CSMD1: variants seen among roughly 807,000 people sequenced by gnomAD.
CSMD1 encodes CUB and sushi domain-containing protein 1.
Under a neutral mutation model 417.5 loss-of-function variants are expected in CSMD1, and 213 were observed. The ratio of observed to expected loss-of-function variants is 0.51; its 90% CI spans 0.46 to 0.57. CSMD1 has a LOEUF of 0.57. Ranked by LOEUF, CSMD1 falls within the 20% of genes least tolerant of loss-of-function variation. The probability of loss-of-function intolerance (pLI) is 0.00; values close to 1 mark genes in which losing one functional copy is unlikely to be tolerated. For missense variants in CSMD1, 6,923 were observed against 4,529.7 expected (o/e 1.53, Z -15.17); for synonymous variants, 2,862 against 1,736.8 (o/e 1.65, Z -16.11).
intron 1 of CSMD1, among the ~76,000 whole-genome samples, chr8:4,850,990 G>A (rs1228466105): frequency 6.6e-6 from 1 of 150,398 alleles, no homozygotes; most frequent in Admixed American, 6.7e-5. Context: ...GGGTACATGT[G>A]CACAAAGTGC....
rs71207091 is a variant in CSMD1 at position 4,455,929 on chromosome 8, CAAAAAAAAAAAAAAAAAAAAAA to C, written c.303-35886_303-35865del. On this transcript the variant is annotated intron_variant, in intron 2 of 69. Transcript: ENST00000635120. ...GGGTGACAAAGTGAGACTCCAACTC[CAAAAAAAAAAAAAAAAAAAAAA>C]AAAAAAAAAAAATGCAGTTAAGATA... Among the ~76,000 whole-genome samples the C allele has an allele frequency of 3.4e-4, 4 of 11,652 alleles. No individual in the cohort carries two copies. The East Asian group carries it at 0.022, about 64-fold the overall frequency. 7.6% of individuals were successfully genotyped at this position (11,652 alleles called of 152,430 possible).
chr8:3,811,739 G>C (rs74413503), intron 5 of CSMD1, among the ~76,000 whole-genome samples: 5,406 of 152,152 alleles, frequency 0.036, 154 homozygotes, highest in African/African-American at 0.084. Flanking sequence ...CAATGCGGCG[G>C]AGAAAGGGAA....
At chr8:3,599,505 C>A (rs756877509) in intron 8 of CSMD1, among the ~76,000 whole-genome samples, 4 of 152,038 alleles carry the variant, frequency 2.6e-5, no homozygotes, top group Middle Eastern at 3.2e-3. Flanking sequence ...GTTAGTAACC[C>A]CAACACAGCA....
chr8:3,825,875 G>C (rs17067695), intron 5 of CSMD1, among the ~76,000 whole-genome samples: 1,718 of 152,294 alleles, frequency 0.011, 31 homozygotes, highest in African/African-American at 0.039. Context: ...ACTAGGGCAA[G>C]ATCAGAAACC....
chr8:4,236,725 G>A (rs1486334104), intron 3 of CSMD1, among the ~76,000 whole-genome samples: 2 of 152,154 alleles, frequency 1.3e-5, no homozygotes, highest in Non-Finnish European at 2.9e-5. Flanking sequence ...TAATCACTGT[G>A]CCTTCGAAGA....
intron 1 of CSMD1, among the ~76,000 whole-genome samples, chr8:4,642,358 G>A (rs982710268): frequency 6.6e-6 from 1 of 152,148 alleles, no homozygotes; most frequent in Non-Finnish European, 1.5e-5. Context: ...TCATTTCTGA[G>A]ATGAACTAAC....
intron 18 of CSMD1, among the ~76,000 whole-genome samples, chr8:3,384,227 T>C (rs887181714): frequency 5.9e-5 from 9 of 152,144 alleles, no homozygotes; most frequent in Admixed American, 3.3e-4. Flanking sequence ...GTCTGAGAGA[T>C]AGTCTAAATT....
chr8:4,579,246 T>A (rs1053749438), intron 2 of CSMD1, among the ~76,000 whole-genome samples: 3 of 150,364 alleles, frequency 2.0e-5, no homozygotes, highest in Admixed American at 6.7e-5. Context: ...CGGCGAAGTT[T>A]AAACATACAT....
chr8:4,336,228 G>T (rs1435003806), intron 3 of CSMD1, among the ~76,000 whole-genome samples: 1 of 152,138 alleles, frequency 6.6e-6, no homozygotes, highest in Non-Finnish European at 1.5e-5. Context: ...GCACCTGTAG[G>T]TTCAAGACCC....
chr8:3,926,116 C>CCATATAT (rs1809703278), intron 5 of CSMD1, among the ~76,000 whole-genome samples: 1 of 106,912 alleles, frequency 9.4e-6, no homozygotes, highest in African/African-American at 4.3e-5. Context: ...CACACACACA[C>CCATATAT]ACACACACAC....
intron 37 of CSMD1, among the ~76,000 whole-genome samples, chr8:3,177,813 G>A (rs551563079): frequency 6.6e-6 from 1 of 152,100 alleles, no homozygotes; most frequent in Non-Finnish European, 1.5e-5. Flanking sequence ...ACACCTTGAG[G>A]TCAGGCTTTG....
rs549066115 is a variant in CSMD1, at chr8:3,929,413, C to G, written c.818+68490G>C. Among the ~76,000 whole-genome samples the G allele has an allele frequency of 2.7e-5, 4 of 150,454 alleles. No homozygotes were observed. In the East Asian group the frequency reaches 7.8e-4, roughly 29 times the overall value. On this transcript the variant is annotated intron_variant, in intron 5 of 69. Coordinates refer to ENST00000635120, the MANE Select transcript of CSMD1 (RefSeq NM_033225.6). ...GCCAAGGGTGACAATGTAATTTCAA[C>G]CTTCCCCACATGAGAAGTGGGTCCA...
chr8:4,335,701 T>A (rs1055997749), intron 3 of CSMD1, among the ~76,000 whole-genome samples: 41 of 152,206 alleles, frequency 2.7e-4, no homozygotes, highest in Admixed American at 2.6e-3. Context: ...CAGAATATAG[T>A]GTTTCTCAAA....
At chr8:4,155,136 G>A (rs147819349) in intron 3 of CSMD1, among the ~76,000 whole-genome samples, 3 of 152,302 alleles carry the variant, frequency 2.0e-5, no homozygotes, top group Non-Finnish European at 4.4e-5. Flanking sequence ...TTGTTCCCAT[G>A]CTACAGATGA....
rs1232361145 is a variant in CSMD1 at position 3,101,993 on chromosome 8, C to T, written c.6949+4535G>A. Among the ~76,000 whole-genome samples, 7 of 151,522 alleles carry T rather than the reference C, an allele frequency of 4.6e-5. 1 individual carries two copies. Among genetic ancestry groups the T allele is most frequent in the Admixed American group, 2.0e-4 (3 of 15,180 alleles). On this transcript the variant is annotated intron_variant, in intron 46 of 69. Coordinates refer to ENST00000635120, the MANE Select transcript of CSMD1 (RefSeq NM_033225.6). ...ATTTTTGTATTTTTAGTAGAGACAG[C>T]GTTTCACCATGTTGGCCAGGCTGGT... is the stretch of plus-strand genomic sequence containing the variant.
intron 3 of CSMD1, among the ~76,000 whole-genome samples, chr8:4,157,869 G>C (rs920495664): frequency 1.3e-5 from 2 of 152,056 alleles, no homozygotes; most frequent in Non-Finnish European, 2.9e-5. Flanking sequence ...GTTGGGCTTG[G>C]TCCTATCCTC....
intron 16 of CSMD1, among the ~76,000 whole-genome samples, chr8:3,397,175 G>C (rs540485448): frequency 6.6e-6 from 1 of 152,088 alleles, no homozygotes; most frequent in African/African-American, 2.4e-5. Flanking sequence ...GAGCTAACCC[G>C]GTTTCTGAGT....
At position 3,914,386 on chromosome 8, in the gene CSMD1, TA is replaced by T. The variant is rs1554484337; in HGVS notation, c.818+83516del. Among the ~76,000 whole-genome samples, 119 of 152,254 alleles carry T rather than the reference TA, an allele frequency of 7.8e-4. 1 individual carries two copies. Among genetic ancestry groups the T allele is most frequent in the South Asian group, 6.2e-4 (3 of 4,822 alleles). The stretch of plus-strand genomic sequence containing the variant: ...TTGGATAGATGTAAAAACATACGGG[TA>T]CAGATAAAGATGTTTGGTGCAAGAA... On this transcript the variant is annotated intron_variant, in intron 5 of 69. Transcript: ENST00000635120.
chr8:4,189,198 C>A (rs1183447131), intron 3 of CSMD1, among the ~76,000 whole-genome samples: 2 of 152,218 alleles, frequency 1.3e-5, no homozygotes, highest in African/African-American at 4.8e-5. Flanking sequence ...CCCAGCTATG[C>A]AAACTCATGT....
Sources: allele counts gnomAD v4.1 joint callset (sites outside exome capture counted in the v4.1 genomes callset), GRCh38; gene constraint gnomAD v4.1.1; transcripts MANE v1.5; gene names NCBI Gene and HGNC (gene_info 2026-07-23, HGNC 2026-07-21).